GTF2H2C: variants seen among roughly 807,000 people sequenced by gnomAD.
The protein encoded by GTF2H2C is GTF2H2 family member C, also known as general transcription factor IIH subunit 2-like protein.
GTF2H2C carries 5 observed loss-of-function variants against 24.8 expected under a neutral mutation model. That is an observed-to-expected ratio of 0.20 (90% confidence interval 0.11 to 0.42). The LOEUF is 0.42. Ranked by LOEUF, GTF2H2C falls within the 20% of genes least tolerant of loss-of-function variation. The pLI is 1.00. For missense variants in GTF2H2C, 45 were observed against 169.8 expected (o/e 0.27, Z 4.08); for synonymous variants, 14 against 52.6 (o/e 0.27, Z 3.18).
intron 9 of GTF2H2C, among the ~76,000 whole-genome samples, chr5:69,573,185 T>TACACACAC (rs1561368430): frequency 1.1e-5 from 1 of 89,436 alleles, no homozygotes; most frequent in Admixed American, 1.1e-4. Flanking sequence ...CACACACACG[T>TACACACAC]ATATATATAT....
At chr5:69,561,015 C>T (rs989819067) in intron 1 of GTF2H2C, among the ~76,000 whole-genome samples, 1 of 152,054 alleles carries the variant, frequency 6.6e-6, no homozygotes, top group Non-Finnish European at 1.5e-5. Context: ...CTCGGCCTCC[C>T]ACAGTGCTGG....
intron 2 of GTF2H2C, among the ~76,000 whole-genome samples, chr5:69,564,450 T>C (rs1770614662): frequency 6.9e-6 from 1 of 144,436 alleles, no homozygotes; most frequent in East Asian, 2.0e-4. Context: ...ACAATGTAAA[T>C]CAAAACCACA....
At chr5:69,582,104 G>GA (rs1191320449) in intron 12 of GTF2H2C, among the ~76,000 whole-genome samples, 3 of 38,428 alleles carry the variant, frequency 7.8e-5, no homozygotes, top group East Asian at 8.3e-4. Flanking sequence ...TCCATCTCAA[G>GA]AAAAAAAAAA....
Position 69,564,157 on chromosome 5 carries a change from T to C in GTF2H2C, c.-33-943T>C, listed in dbSNP as rs1281316250. Among the ~76,000 whole-genome samples, 3 of 142,068 alleles carry C rather than the reference T, an allele frequency of 2.1e-5. No individual in the cohort carries two copies. The East Asian group carries it at 6.1e-4, about 29-fold the overall frequency. 93.2% of individuals were successfully genotyped at this position (142,068 alleles called of 152,430 possible). ...AAAAGACAGGATTTCATTGTGTTTTTTTTTCGTTGTTTTTTTGGCTGCTAG... is the reference window on the plus strand; with the variant it reads ...AAAAGACAGGATTTCATTGTGTTTTCTTTTCGTTGTTTTTTTGGCTGCTAG... On this transcript the variant is annotated intron_variant, in intron 2 of 16. Coordinates refer to ENST00000380729, the MANE Select transcript of GTF2H2C (RefSeq NM_001376000.2).
intron 9 of GTF2H2C, among the ~76,000 whole-genome samples, chr5:69,574,273 T>TA (rs1158838396): frequency 1.9e-4 from 18 of 96,232 alleles, no homozygotes; most frequent in African/African-American, 6.8e-4. Flanking sequence ...CTTTTTTTTT[T>TA]ACAAACTGAC....
At chr5:69,591,548 A>C (rs2112273319) in intron 16 of GTF2H2C, among the ~76,000 whole-genome samples, 1 of 152,184 alleles carries the variant, frequency 6.6e-6, no homozygotes, top group South Asian at 2.1e-4. Context: ...ATTTTATCCC[A>C]AGGAGCAAGT....
In GTF2H2C at chr5:69,560,815, C is replaced by T. The variant is rs528954625; in HGVS notation, c.-132+412C>T. Among the ~76,000 whole-genome samples the T allele has an allele frequency of 8.6e-4, 130 of 152,002 alleles. 1 individual carries two copies. Among genetic ancestry groups the T allele is most frequent in the Middle Eastern group, 3.4e-3 (1 of 292 alleles). On this transcript the variant is annotated intron_variant, in intron 1 of 16. Coordinates refer to ENST00000380729, the MANE Select transcript of GTF2H2C (RefSeq NM_001376000.2). ...GCCCTGTCGCCAGGCTGGAGTGCAG[C>T]GGCGCGATCTCGGCTCACTGCAACC...
intron 3 of GTF2H2C, 99 bp from the exon 4 acceptor site, chr5:69,566,032 C>T: frequency 1.0e-6 from 1 of 954,602 alleles, no homozygotes; most frequent in East Asian, 2.4e-5. Flanking sequence ...CAGCCATGAA[C>T]ACTTACATGC....
chr5:69,560,831 C>G (rs1460146295), intron 1 of GTF2H2C, among the ~76,000 whole-genome samples: 2 of 151,982 alleles, frequency 1.3e-5, no homozygotes, highest in Non-Finnish European at 2.9e-5. Flanking sequence ...GATCTCGGCT[C>G]ACTGCAACCT....
intron 2 of GTF2H2C, 121 bp from the exon 3 acceptor site, chr5:69,564,976 AAAG>A (rs1770660530): frequency 4.3e-6 from 3 of 693,010 alleles, no homozygotes; most frequent in Non-Finnish European, 7.2e-6. Flanking sequence ...AGTAAAATAC[AAAG>A]AATAAGATGA....
intron 8 of GTF2H2C, chr5:69,569,660 C>G (rs1431276114): frequency 1.3e-5 from 1 of 74,170 alleles, no homozygotes; most frequent in Non-Finnish European, 3.9e-5. Context: ...TTACCCACCC[C>G]GAGTTACCAG....
intron 8 of GTF2H2C, chr5:69,569,720 C>G (rs1284806346): frequency 1.2e-5 from 1 of 83,044 alleles, no homozygotes; most frequent in African/African-American, 2.9e-5. Flanking sequence ...GTCTCTCACT[C>G]TGTCGCCCAG....
rs952519389 is a variant in GTF2H2C at position 69,560,358 on chromosome 5, C to T, written c.-177C>T. ...CGGAGGTTGAATTGCCCTGCCTGGG[C>T]TCATAGGGAAGGAGGATGTGAAGGA... is the stretch of plus-strand genomic sequence containing the variant. On this transcript the variant is annotated 5_prime_UTR_variant, in exon 1 of 17. Transcript: ENST00000380729. 10 of 149,946 alleles carry T rather than the reference C, an allele frequency of 6.7e-5. No individual in the cohort carries two copies. Among genetic ancestry groups the T allele is most frequent in the Non-Finnish European group, 1.5e-4 (10 of 67,384 alleles). 9.3% of individuals were successfully genotyped at this position (149,946 alleles called of 1,614,324 possible).
At chr5:69,571,361 AATATT>A (rs1771040190) in intron 8 of GTF2H2C, among the ~76,000 whole-genome samples, 1 of 42,790 alleles carries the variant, frequency 2.3e-5, no homozygotes, top group Admixed American at 2.2e-4. Context: ...AATATAAAAA[AATATT>A]ATATTAAAAA....
chr5:69,577,331 G>A (rs1771352256), intron 9 of GTF2H2C, among the ~76,000 whole-genome samples: 1 of 123,532 alleles, frequency 8.1e-6, no homozygotes, highest in Non-Finnish European at 1.7e-5. Flanking sequence ...TAGCAATAAA[G>A]TATTTTTCAT....
intron 1 of GTF2H2C, among the ~76,000 whole-genome samples, chr5:69,562,412 T>A (rs1770426775): frequency 6.6e-6 from 1 of 151,700 alleles, no homozygotes; most frequent in African/African-American, 2.4e-5. Flanking sequence ...AAACCCTGGC[T>A]CTACAAAAAT....
At chr5:69,561,652 AATT>A (rs888729483) in intron 1 of GTF2H2C, among the ~76,000 whole-genome samples, 8 of 148,354 alleles carry the variant, frequency 5.4e-5, no homozygotes, top group Non-Finnish European at 1.0e-4. Context: ...ATATATTTGT[AATT>A]ATTTTATTTA....
rs749170423 is a variant in GTF2H2C, at chr5:69,566,221, C to T, written c.134+13C>T. On this transcript the variant is annotated intron_variant, in intron 4 of 16. Transcript: ENST00000380729. Reference sequence around the variant, plus strand: ...CAAAGAGAAAAAGGTATGTAACCTTCCTACGTATCTTAAAAAGGTAAAATA... The same window carrying T: ...CAAAGAGAAAAAGGTATGTAACCTTTCTACGTATCTTAAAAAGGTAAAATA... 6.2e-7 allele frequency: 1 copy of T among 1,610,538 alleles called. No individual in the cohort carries two copies. Among genetic ancestry groups the T allele is most frequent in the East Asian group, 2.2e-5 (1 of 44,786 alleles).
At position 69,568,183 on chromosome 5, in the gene GTF2H2C, G is replaced by A. The variant is rs1770862111; in HGVS notation, c.340G>A (p.Ala114Thr). The A allele has an allele frequency of 2.2e-6, 1 of 464,256 alleles. No individual in the cohort carries two copies. The allele number at this position is 464,256 out of a possible 1,614,324, so 28.8% of individuals were successfully genotyped here. A position where few individuals can be genotyped will look rare whatever the true frequency, so the allele number is the denominator to read the frequency against. The change falls in exon 8 of 17, where the codon GCT becomes ACT. Residue 114 changes from alanine to threonine, a missense_variant. Transcript: ENST00000380729. Reference sequence around the variant, plus strand: ...AATAATTGTAACTAAGAGTAAAAGAGCTGAAAAATTGACTGAACTTTCAGG... The same window carrying A: ...AATAATTGTAACTAAGAGTAAAAGAACTGAAAAATTGACTGAACTTTCAGG... ...IGIIVTKSKR[A>T]EKLTELSGNP...
Sources: allele counts gnomAD v4.1 joint callset (sites outside exome capture counted in the v4.1 genomes callset), GRCh38; gene constraint gnomAD v4.1.1; transcripts MANE v1.5; gene names NCBI Gene and HGNC (gene_info 2026-07-23, HGNC 2026-07-21).